ALOXE3: variants seen among roughly 807,000 people sequenced by gnomAD.
The protein encoded by ALOXE3 is arachidonate epidermal lipoxygenase 3.
A neutral mutation model predicts 87.5 loss-of-function variants in ALOXE3; 78 were observed. The observed-to-expected ratio is 0.89, with a 90% CI of 0.74 to 1.08. The LOEUF (loss-of-function observed/expected upper bound fraction) is 1.08. Among genes scored for constraint, ALOXE3 ranks in the 50% least tolerant of loss-of-function variants. ALOXE3 has a pLI of 0.00. For synonymous variants in ALOXE3, 363 were observed against 370.8 expected, an observed-to-expected ratio of 0.98 and a Z score of 0.24; for missense variants, 946 against 912.4, an observed-to-expected ratio of 1.04 and a Z score of -0.47.
intron 12 of ALOXE3, 147 bp downstream of exon 12, chr17:8,109,027 A>C: frequency 7.8e-7 from 1 of 1,278,804 alleles, no homozygotes; most frequent in South Asian, 1.3e-5. Flanking sequence ...TTCAGAAGGG[A>C]CCCCAAACTC....
Position 8,115,037 on chromosome 17 carries a change from C to G in ALOXE3, c.455G>C (p.Gly152Ala), listed in dbSNP as rs772955394. ...GTTGACGTCTACCATGCAGGGGAAGCCAGGGGCATAGATCTTCCAGCTTCC... is the reference window on the plus strand; with the variant it reads ...GTTGACGTCTACCATGCAGGGGAAGGCAGGGGCATAGATCTTCCAGCTTCC... ...ECYRWKIYAP[G>A]FPCMVDVNSF... The change falls in exon 5 of 16, where the codon GGC becomes GCC. Residue 152 changes from glycine to alanine, a missense_variant. By Grantham distance (60) the Gly-to-Ala change is moderately conservative. Coordinates refer to ENST00000448843, the MANE Select transcript of ALOXE3 (RefSeq NM_021628.3). 3 of 1,614,156 alleles carry G rather than the reference C, an allele frequency of 1.9e-6. No homozygotes were observed. Among genetic ancestry groups the G allele is most frequent in the Non-Finnish European group, 1.7e-6 (2 of 1,180,004 alleles).
intron 13 of ALOXE3, among the ~76,000 whole-genome samples, chr17:8,107,314 C>G (rs1979391903): frequency 6.6e-6 from 1 of 152,168 alleles, no homozygotes; most frequent in Non-Finnish European, 1.5e-5. Flanking sequence ...GTCAGGAGTT[C>G]AAGACCAGCC....
rs76606011 is a variant in ALOXE3 at position 8,109,879 on chromosome 17, G to C, written c.1392+37C>G. The C allele has an allele frequency of 0.15, 229,200 of 1,534,948 alleles. 21,468 individuals carry two copies. Among genetic ancestry groups the C allele is most frequent in the East Asian group, 0.48 (19,550 of 40,746 alleles). On this transcript the variant is annotated intron_variant, in intron 11 of 15. Coordinates refer to ENST00000448843, the MANE Select transcript of ALOXE3 (RefSeq NM_021628.3). Reference sequence around the variant, plus strand: ...GCGGGTAGCGGGGCAAAGCGTCTTCGGGGGCGGAGATCAGTGACCCGGCAG... The same window carrying C: ...GCGGGTAGCGGGGCAAAGCGTCTTCCGGGGCGGAGATCAGTGACCCGGCAG...
At position 8,111,416 on chromosome 17, in the gene ALOXE3, G is replaced by A. The variant is rs779715151; in HGVS notation, c.900C>T (p.Thr300=). ...CCAGCAAGGGGGCCACCATGTCATT[G>A]GTGACAGGCAGCTTGCTGGGCAAGC... ...ISSLPSKLPV[T]NDMVAPLLGQ... is the part of the protein sequence containing the mutation. Residue 300 remains threonine (T), a synonymous_variant, in exon 8 of 16, where the codon ACC becomes ACT. Coordinates refer to ENST00000448843, the MANE Select transcript of ALOXE3 (RefSeq NM_021628.3). The A allele has an allele frequency of 1.2e-6, 2 of 1,614,068 alleles. No homozygotes were observed. Among genetic ancestry groups the A allele is most frequent in the Admixed American group, 1.7e-5 (1 of 60,024 alleles).
intron 13 of ALOXE3, among the ~76,000 whole-genome samples, chr17:8,105,945 T>C (rs960378752): frequency 2.5e-5 from 3 of 117,984 alleles, no homozygotes; most frequent in South Asian, 2.7e-4. Flanking sequence ...AAAGCCAGAG[T>C]AGGAAGGCAC....
At position 8,117,994 on chromosome 17, in the gene ALOXE3, G is replaced by A. The variant is rs1327432392; in HGVS notation, c.-4C>T. 2 of 1,610,496 alleles carry A rather than the reference G, an allele frequency of 1.2e-6. No homozygotes were observed. Among genetic ancestry groups the A allele is most frequent in the African/African-American group, 1.3e-5 (1 of 75,020 alleles). ...CACACAGGCGGTACACTGCCATGAT[G>A]GGAAGGAGGAAGGGATGCCCCGGCA... On this transcript the variant is annotated 5_prime_UTR_variant, in exon 2 of 16. Coordinates refer to ENST00000448843, the MANE Select transcript of ALOXE3 (RefSeq NM_021628.3).
chr17:8,114,548 T>C lies in ALOXE3; in HGVS notation c.616A>G (p.Met206Val). 7.4e-6 allele frequency: 12 copies of C among 1,613,742 alleles called. No homozygotes were observed. The highest frequency in any genetic ancestry group is 1.1e-5 in the South Asian group (1 of 91,054). Reference protein sequence around the residue: ...MKIDIPSLMYMEPNVRYSATK... With the variant: ...MKIDIPSLMYVEPNVRYSATK... ...GCTGAGTATCGAACATTGGGCTCCA[T>C]GTACATCAGGGATGGGATGTCAATT... The change falls in exon 6 of 16, where the codon ATG becomes GTG. Residue 206 changes from methionine (M) to valine (V), a missense_variant. Met to Val is a conservative substitution (Grantham distance 21). Coordinates refer to ENST00000448843, the MANE Select transcript of ALOXE3 (RefSeq NM_021628.3).
Position 8,116,961 on chromosome 17 carries a change from C to G in ALOXE3, c.167G>C (p.Arg56Pro), listed in dbSNP as rs1293886051. The change falls in exon 3 of 16, where the codon CGT (arginine) becomes CCT (proline). Residue 56 changes from arginine to proline, a missense_variant. Physicochemically the swap from Arg to Pro is moderately radical, Grantham distance 103 (BLOSUM62 -2). Coordinates refer to ENST00000448843, the MANE Select transcript of ALOXE3 (RefSeq NM_021628.3). ...GAGCTCACCCAGCTCCGCTGTGCAACGCACCTTGTACTTCTGTACCTGAGG... is the reference window on the plus strand; with the variant it reads ...GAGCTCACCCAGCTCCGCTGTGCAAGGCACCTTGTACTTCTGTACCTGAGG... ...APGSVQKYKVRCTAELGELLL... is the reference protein window; with the variant it reads ...APGSVQKYKVPCTAELGELLL... 1.2e-6 allele frequency: 2 copies of G among 1,613,892 alleles called. No homozygotes were observed. Among genetic ancestry groups the G allele is most frequent in the Non-Finnish European group, 1.7e-6 (2 of 1,179,958 alleles).
chr17:8,117,820 C>T, intron 2 of ALOXE3, 24 bp downstream of exon 2: 1 of 1,607,258 alleles, frequency 6.2e-7, no homozygotes, highest in Non-Finnish European at 8.5e-7. Context: ...TGAGGTCGCG[C>T]TTCCCTGTCT....
At chr17:8,098,262 G>T (rs1161337786) in intron 15 of ALOXE3, among the ~76,000 whole-genome samples, 1 of 102,330 alleles carries the variant, frequency 9.8e-6, no homozygotes, top group East Asian at 3.7e-4. Flanking sequence ...TTTTTGAGAC[G>T]GAGTCTCGCT....
chr17:8,112,916 T>C (rs1980227130), intron 6 of ALOXE3, among the ~76,000 whole-genome samples: 1 of 152,002 alleles, frequency 6.6e-6, no homozygotes, highest in Admixed American at 6.6e-5. Context: ...TGCCTCAACC[T>C]CCCAAGTAGC....
chr17:8,112,568 C>T (rs1177039275), intron 6 of ALOXE3, among the ~76,000 whole-genome samples: 1 of 152,140 alleles, frequency 6.6e-6, no homozygotes, highest in Non-Finnish European at 1.5e-5. Flanking sequence ...GCCTGACTAG[C>T]CCATGGAGAT....
chr17:8,114,594 G>T lies in ALOXE3; in HGVS notation c.570C>A (p.Tyr190Ter). ...CAATTTTCATGGGGAAGCCGGGCAG[G>T]TACCGATTCCCACTGCTGGGGGTCG... Reference protein sequence around the residue: ...VDQGDSSGNRYLPGFPMKIDI... With the variant: ...VDQGDSSGNR Residue 190 changes from tyrosine to a stop codon, truncating the protein, a stop_gained, in exon 6 of 16, where the codon TAC (tyrosine) becomes TAA (stop). Coordinates refer to ENST00000448843, the MANE Select transcript of ALOXE3 (RefSeq NM_021628.3). LOFTEE classifies it high-confidence loss of function. 1 of 1,613,910 alleles carries T rather than the reference G, an allele frequency of 6.2e-7. No individual in the cohort carries two copies. The highest frequency in any genetic ancestry group is 8.5e-7 in the Non-Finnish European group (1 of 1,179,940).
At chr17:8,112,401 C>T (rs1409742602) in intron 6 of ALOXE3, among the ~76,000 whole-genome samples, 1 of 152,178 alleles carries the variant, frequency 6.6e-6, no homozygotes, top group Non-Finnish European at 1.5e-5. Flanking sequence ...ATCCCTAAGA[C>T]AGGTCATTGC....
At chr17:8,114,844 C>T (rs1598216706) in intron 5 of ALOXE3, 94 bp downstream of exon 5, 2 of 1,572,204 alleles carry the variant, frequency 1.3e-6, no homozygotes. Flanking sequence ...TGTCATAGAC[C>T]CCTACCCCTC....
intron 8 of ALOXE3, 138 bp from the exon 9 acceptor site, chr17:8,110,666 T>C (rs1979996790): frequency 5.6e-6 from 7 of 1,254,870 alleles, no homozygotes; most frequent in East Asian, 5.0e-5. Flanking sequence ...CCTGAATTAA[T>C]GGCCAAAGTG....
In ALOXE3 at chr17:8,096,385, G is replaced by T; in HGVS notation, c.*242C>A. ...GAAGCGGTTCCTTCCTTTCGGAGGG[G>T]CTATTGTGCATTGGACTTTGGTCAG... On this transcript the variant is annotated 3_prime_UTR_variant, in exon 16 of 16. Coordinates refer to ENST00000448843, the MANE Select transcript of ALOXE3 (RefSeq NM_021628.3). 1 of 535,508 alleles carries T rather than the reference G, an allele frequency of 1.9e-6. No homozygotes were observed. The highest frequency in any genetic ancestry group is 2.3e-5 in the South Asian group (1 of 42,988). The allele number at this position is 535,508 out of a possible 1,614,324, so 33.2% of individuals were successfully genotyped here. A position where few individuals can be genotyped will look rare whatever the true frequency, so the allele number is the denominator to read the frequency against.
rs1978564664 is a variant in ALOXE3 at position 8,096,737 on chromosome 17, G to A, written c.2026C>T (p.Gln676Ter). The A allele has an allele frequency of 1.2e-6, 2 of 1,614,046 alleles. No homozygotes were observed. Among genetic ancestry groups the A allele is most frequent in the African/African-American group, 2.7e-5 (2 of 74,918 alleles). ...CTTGAGATCTGGGCCAGGCGGCTCT[G>A]GAAGGCGGCGATGCTCCGCCTCGGG... ...EAPRRSIAAF[Q>*]SRLAQISRDI... Residue 676 changes from glutamine to a stop codon, truncating the protein, a stop_gained, in exon 16 of 16, where the codon CAG becomes TAG. Coordinates refer to ENST00000448843, the MANE Select transcript of ALOXE3 (RefSeq NM_021628.3). LOFTEE classifies it high-confidence loss of function.
chr17:8,118,311 G>A lies in ALOXE3; in HGVS notation c.-313-8C>T, dbSNP rs1419066192. The stretch of plus-strand genomic sequence containing the variant: ...TCAGGAGCCTGGGTTCCACTGCGGA[G>A]GGAGGGATCAGATGCTGAGATGGAG... On this transcript the variant is annotated splice_polypyrimidine_tract_variant and splice_region_variant and intron_variant, in intron 1 of 15. Coordinates refer to ENST00000448843, the MANE Select transcript of ALOXE3 (RefSeq NM_021628.3). 5 of 1,551,686 alleles carry A rather than the reference G, an allele frequency of 3.2e-6. No individual in the cohort carries two copies. In the East Asian group the frequency reaches 1.2e-4, roughly 38 times the overall value.
Sources: allele counts gnomAD v4.1 joint callset (sites outside exome capture counted in the v4.1 genomes callset), GRCh38; gene constraint gnomAD v4.1.1; transcripts MANE v1.5; gene names NCBI Gene and HGNC (gene_info 2026-07-23, HGNC 2026-07-21).